Variants in SNX13 observed in about 807,000 individuals in gnomAD.
SNX13 encodes the protein sorting nexin 13.
In SNX13, 45 loss-of-function variants were observed where a neutral mutation model predicts 133.6. The observed-to-expected ratio is 0.34, with a 90% CI of 0.27 to 0.43. The LOEUF (loss-of-function observed/expected upper bound fraction) is 0.43, where lower values mean the gene tolerates loss of function less well. Ranked by LOEUF, SNX13 falls within the 20% of genes least tolerant of loss-of-function variation. The pLI is 1.00. For synonymous variants in SNX13, 414 were observed against 373.9 expected, an observed-to-expected ratio of 1.11 and a Z score of -1.24; for missense variants, 1,032 against 1,145.1, an observed-to-expected ratio of 0.90 and a Z score of 1.43.
intron 15 of SNX13, chr7:17,830,333 C>A (rs2128308529): frequency 2.0e-6 from 2 of 984,144 alleles, no homozygotes; most frequent in Middle Eastern, 5.2e-4. Flanking sequence ...TGTTTTTATT[C>A]TCATGGTATC....
intron 17 of SNX13, 158 bp from the exon 18 acceptor site, chr7:17,821,806 A>G: frequency 1.3e-6 from 1 of 763,638 alleles, no homozygotes; most frequent in Non-Finnish European, 2.0e-6. Flanking sequence ...GAAGGATGTC[A>G]GCAAAGGATA....
At chr7:17,806,218 AT>A (rs199989795) in intron 20 of SNX13, among the ~76,000 whole-genome samples, 1 of 4,880 alleles carries the variant, frequency 2.0e-4, no homozygotes, top group Admixed American at 2.1e-3. Context: ...CTTCACCATG[AT>A]AACAAAACTG....
At chr7:17,815,453 C>T (rs1213745815) in intron 19 of SNX13, among the ~76,000 whole-genome samples, 2 of 152,090 alleles carry the variant, frequency 1.3e-5, no homozygotes, top group African/African-American at 2.4e-5. Context: ...GGCACAGTGG[C>T]ATGCACCTGT....
chr7:17,856,193 C>A (rs151117517), intron 9 of SNX13, among the ~76,000 whole-genome samples: 46 of 152,282 alleles, frequency 3.0e-4, no homozygotes, highest in South Asian at 6.2e-4. Flanking sequence ...GTTTAAAGTT[C>A]TTTACAATTT....
Position 17,792,166 on chromosome 7 carries a change from G to A in SNX13, c.*1879C>T, listed in dbSNP as rs187937503. The A allele has an allele frequency of 2.6e-5, 4 of 152,054 alleles. No homozygotes were observed. The East Asian group carries it at 7.7e-4, about 29-fold the overall frequency. The allele number at this position is 152,054 out of a possible 1,614,324, so 9.4% of individuals were successfully genotyped here. A position where few individuals can be genotyped will look rare whatever the true frequency, so the allele number is the denominator to read the frequency against. ...AAAAATATATTTGAAATGGGCAGAG[G>A]CATATATGAAAATCACTGCACTTAT... On this transcript the variant is annotated 3_prime_UTR_variant, in exon 26 of 26. Transcript: ENST00000428135.
intron 20 of SNX13, among the ~76,000 whole-genome samples, chr7:17,806,087 T>A (rs992120047): frequency 3.9e-5 from 6 of 152,192 alleles, no homozygotes; most frequent in Admixed American, 1.3e-4. Context: ...CACTTAGCTG[T>A]CCTTACACAG....
chr7:17,850,206 T>C (rs145031703), intron 11 of SNX13, 141 bp downstream of exon 11: 489 of 403,916 alleles, frequency 1.2e-3, no homozygotes, highest in Admixed American at 3.7e-3. Flanking sequence ...TATCACATTG[T>C]AGAAGAGAAA....
chr7:17,873,296 C>T (rs1205133426), intron 8 of SNX13, among the ~76,000 whole-genome samples: 2 of 152,172 alleles, frequency 1.3e-5, no homozygotes, highest in Admixed American at 1.3e-4. Flanking sequence ...TTACATAATG[C>T]TATGATGGTA....
At chr7:17,899,891 G>C (rs1292720429) in intron 1 of SNX13, 6 of 152,144 alleles carry the variant, frequency 3.9e-5, no homozygotes, top group Non-Finnish European at 7.3e-5. Flanking sequence ...GGACATTGAA[G>C]AGTTAGGCAT....
intron 20 of SNX13, among the ~76,000 whole-genome samples, chr7:17,811,568 C>G (rs1408107464): frequency 2.0e-5 from 3 of 152,134 alleles, no homozygotes; most frequent in Non-Finnish European, 4.4e-5. Flanking sequence ...AATGGCCATA[C>G]TGCCCAAAGT....
At chr7:17,914,984 A>G (rs982682934) in intron 1 of SNX13, among the ~76,000 whole-genome samples, 2 of 152,240 alleles carry the variant, frequency 1.3e-5, no homozygotes, top group East Asian at 3.9e-4. Flanking sequence ...CTCATCTCAC[A>G]TGTAATGACA....
At chr7:17,841,553 T>TACACACACACACACACACACACAC (rs71553704) in intron 12 of SNX13, among the ~76,000 whole-genome samples, 11 of 142,972 alleles carry the variant, frequency 7.7e-5, no homozygotes, top group African/African-American at 1.6e-4. Context: ...CAGTTATTCA[T>TACACACACACACACACACACACAC]ACACACACAC....
intron 7 of SNX13, among the ~76,000 whole-genome samples, chr7:17,874,469 G>A (rs934511295): frequency 6.6e-6 from 1 of 152,062 alleles, no homozygotes; most frequent in Non-Finnish European, 1.5e-5. Context: ...GTCAGTACCC[G>A]AAACCCTCTC....
rs1319920667 is a variant in SNX13 at position 17,792,020 on chromosome 7, A to G, written c.*2025T>C. 6.6e-6 allele frequency: 1 copy of G among 152,130 alleles called. No individual in the cohort carries two copies. Among genetic ancestry groups the G allele is most frequent in the African/African-American group, 2.4e-5 (1 of 41,442 alleles). The allele number at this position is 152,130 out of a possible 1,614,324, so 9.4% of individuals were successfully genotyped here. ...CTATTTTGAAAATTTGCAATATTAC[A>G]TGACCTTTATTTCCCTAATTGATGG... On this transcript the variant is annotated 3_prime_UTR_variant, in exon 26 of 26. Transcript: ENST00000428135.
chr7:17,861,941 G>A (rs1022676740), intron 9 of SNX13, among the ~76,000 whole-genome samples: 3 of 152,082 alleles, frequency 2.0e-5, no homozygotes, highest in African/African-American at 7.2e-5. Context: ...CTCTTTTTAT[G>A]CCTCACATCT....
intron 24 of SNX13, 118 bp downstream of exon 24, chr7:17,798,572 A>G (rs1290134079): frequency 1.4e-6 from 1 of 695,420 alleles, no homozygotes; most frequent in Non-Finnish European, 2.4e-6. Flanking sequence ...TTTGCTCATC[A>G]ATGATAACTA....
At chr7:17,835,114 A>C (rs546652933) in intron 13 of SNX13, among the ~76,000 whole-genome samples, 25 of 152,040 alleles carry the variant, frequency 1.6e-4, no homozygotes, top group East Asian at 7.7e-4. Context: ...CTAGCAAGTT[A>C]TCTCTCAGTA....
At chr7:17,912,740 T>G (rs912778611) in intron 1 of SNX13, among the ~76,000 whole-genome samples, 3 of 152,126 alleles carry the variant, frequency 2.0e-5, no homozygotes, top group South Asian at 4.1e-4. Context: ...TCTGGGCTCA[T>G]GCAAAGTAAG....
At chr7:17,930,318 T>TA (rs1308309686) in intron 1 of SNX13, among the ~76,000 whole-genome samples, 2 of 152,164 alleles carry the variant, frequency 1.3e-5, no homozygotes, top group Non-Finnish European at 2.9e-5. Context: ...CGAGAAAACT[T>TA]AGATTCAAAT....
Sources: gnomAD v4.1 joint callset for allele counts (sites outside exome capture counted in the v4.1 genomes callset) on GRCh38, gnomAD v4.1.1 for gene constraint, MANE v1.5 for transcripts, NCBI Gene and HGNC (gene_info 2026-07-23, HGNC 2026-07-21) for gene names.